The following TMEM74 variants were observed in gnomAD, a reference collection of about 807,000 sequenced individuals.
TMEM74 encodes transmembrane protein 74.
TMEM74 carries 13 observed loss-of-function variants against 18.1 expected under a neutral mutation model. The observed-to-expected ratio is 0.72, with a 90% CI of 0.47 to 1.14. The LOEUF is 1.14. Among genes scored for constraint, TMEM74 ranks in the 50% most tolerant of loss-of-function variants. TMEM74 has a pLI of 0.00. For synonymous variants in TMEM74, 159 were observed against 146.6 expected (o/e 1.08, Z -0.61); for missense variants, 372 against 375.9 (o/e 0.99, Z 0.09).
chr8:108,702,928 A>T (rs189988175), intron 1 of TMEM74, among the ~76,000 whole-genome samples: 414 of 84,470 alleles, frequency 4.9e-3, no homozygotes, highest in African/African-American at 0.016. Flanking sequence ...GAATTTTGTT[A>T]AAAAAAAAAA....
chr8:108,776,660 A>C (rs1041484735), downstream of TMEM74, among the ~76,000 whole-genome samples: 1 of 152,168 alleles, frequency 6.6e-6, no homozygotes, highest in Non-Finnish European at 1.5e-5. Flanking sequence ...AGGGAGATGT[A>C]AATTTCTTTC....
chr8:108,610,335 A>C (rs1563731580), intron 2 of TMEM74, among the ~76,000 whole-genome samples: 1 of 152,118 alleles, frequency 6.6e-6, no homozygotes, highest in Non-Finnish European at 1.5e-5. Context: ...ATAATTATGG[A>C]CCTCCAGAAA....
At chr8:108,748,686 T>G (rs1257234329) in intron 1 of TMEM74, among the ~76,000 whole-genome samples, 1 of 144,932 alleles carries the variant, frequency 6.9e-6, no homozygotes, top group Non-Finnish European at 1.5e-5. Flanking sequence ...TTCTAGGGTT[T>G]TTTTTTTTTT....
At chr8:108,747,787 C>A (rs1813865014) in intron 1 of TMEM74, among the ~76,000 whole-genome samples, 1 of 146,496 alleles carries the variant, frequency 6.8e-6, no homozygotes, top group South Asian at 2.3e-4. Flanking sequence ...TTATTTAGCT[C>A]CCACTTATAA....
At chr8:108,610,077 G>A (rs1270122156) in intron 2 of TMEM74, among the ~76,000 whole-genome samples, 1 of 152,168 alleles carries the variant, frequency 6.6e-6, no homozygotes, top group East Asian at 1.9e-4. Context: ...GGTTACAAAT[G>A]TCCCATCCCC....
intron 1 of TMEM74, among the ~76,000 whole-genome samples, chr8:108,702,884 T>TA (rs1209472154): frequency 6.7e-6 from 1 of 149,842 alleles, no homozygotes; most frequent in Non-Finnish European, 1.5e-5. Context: ...TAAAGCCTGT[T>TA]AAAAAACTCA....
At chr8:108,633,845 G>T (rs1026597689) in intron 2 of TMEM74, among the ~76,000 whole-genome samples, 2 of 151,940 alleles carry the variant, frequency 1.3e-5, no homozygotes, top group African/African-American at 4.8e-5. Flanking sequence ...TCTTTTGCTT[G>T]CCATGTCATG....
Position 108,784,596 on chromosome 8 carries a change from G to T in TMEM74, c.503C>A (p.Thr168Lys). 6.2e-7 allele frequency: 1 copy of T among 1,614,166 alleles called. No homozygotes were observed. Among genetic ancestry groups the T allele is most frequent in the Non-Finnish European group, 8.5e-7 (1 of 1,180,030 alleles). ...ATAGTCTATAGACTTCCCTGAAGACGTGGCTTCTGAACTTGTATCATCCTC... is the reference window on the plus strand; with the variant it reads ...ATAGTCTATAGACTTCCCTGAAGACTTGGCTTCTGAACTTGTATCATCCTC... ...EEEDDTSSEATSSGKSIDYGF... is the reference protein window; with the variant it reads ...EEEDDTSSEAKSSGKSIDYGF... Residue 168 changes from threonine (T) to lysine (K), a missense_variant, in exon 2 of 2, where the codon ACG (threonine) becomes AAG (lysine). Coordinates refer to ENST00000297459, the MANE Select transcript of TMEM74 (RefSeq NM_153015.3).
chr8:108,675,211 G>A (rs78744367), intron 1 of TMEM74, among the ~76,000 whole-genome samples: 3,656 of 152,240 alleles, frequency 0.024, 72 homozygotes, highest in Non-Finnish European at 0.034. Flanking sequence ...TTTGTTTATG[G>A]TGTCATCTCC....
chr8:108,770,184 G>A (rs1814156048), intron 1 of TMEM74, among the ~76,000 whole-genome samples: 1 of 152,098 alleles, frequency 6.6e-6, no homozygotes, highest in South Asian at 2.1e-4. Context: ...CAGAGAGGAG[G>A]AGAAAGAGGA....
Position 108,784,819 on chromosome 8 carries a change from T to C in TMEM74, c.280A>G (p.Thr94Ala), listed in dbSNP as rs142950541. Residue 94 changes from threonine to alanine, a missense_variant, in exon 2 of 2, where the codon ACA becomes GCA. Coordinates refer to ENST00000297459, the MANE Select transcript of TMEM74 (RefSeq NM_153015.3). ...CAGTTACAGACTTTCCGTTCCGCTG[T>C]TATTTGGTTGTTCCCTGAGTGGAGA... ...GLLHSGNNQI[T>A]AERKVCNCCS... 160 of 1,614,136 alleles carry C rather than the reference T, an allele frequency of 9.9e-5. No homozygotes were observed. In the African/African-American group the frequency reaches 1.8e-3, roughly 18 times the overall value.
At chr8:108,657,879 T>TATATATATATATATATATTAATTAC (rs1812858437) in intron 1 of TMEM74, among the ~76,000 whole-genome samples, 2 of 82,730 alleles carry the variant, frequency 2.4e-5, no homozygotes, top group East Asian at 4.4e-4. Flanking sequence ...TATATATATA[T>TATATATATATATATATATTAATTAC]ATATATATAT....
At chr8:108,754,829 A>T (rs367636871) in intron 1 of TMEM74, among the ~76,000 whole-genome samples, 47 of 152,052 alleles carry the variant, frequency 3.1e-4, no homozygotes, top group African/African-American at 1.1e-3. Flanking sequence ...AAACCAGGTG[A>T]GCTGACAGTG....
At chr8:108,649,963 A>G (rs1812757696) in intron 2 of TMEM74, among the ~76,000 whole-genome samples, 1 of 152,140 alleles carries the variant, frequency 6.6e-6, no homozygotes, top group Non-Finnish European at 1.5e-5. Context: ...TCCCTTCCCT[A>G]CATTATAAAA....
intron 1 of TMEM74, among the ~76,000 whole-genome samples, chr8:108,737,237 A>G (rs570632967): frequency 7.9e-5 from 12 of 152,244 alleles, no homozygotes; most frequent in African/African-American, 2.9e-4. Context: ...CTCAATCACA[A>G]AATAAAAACT....
rs541659213 is a variant in TMEM74 at position 108,678,620 on chromosome 8, G to A, written n.120-23183C>T. Among the ~76,000 whole-genome samples, 8 of 149,770 alleles carry A rather than the reference G, an allele frequency of 5.3e-5. 1 individual carries two copies. The highest frequency in any genetic ancestry group is 2.1e-4 in the South Asian group (1 of 4,768). On this transcript the variant is annotated intron_variant and non_coding_transcript_variant, in intron 1 of 3. Coordinates refer to the TMEM74 transcript ENST00000518838. Reference sequence around the variant, plus strand: ...AATCCTGGCCTCAAGTGATCCTCCCGCTTTGCTCCCACTGCCATTATTATT... The same window carrying A: ...AATCCTGGCCTCAAGTGATCCTCCCACTTTGCTCCCACTGCCATTATTATT...
In TMEM74 at chr8:108,621,017, T is replaced by C. The variant is rs559705417; in HGVS notation, n.265-12191A>G. Among the ~76,000 whole-genome samples the C allele has an allele frequency of 5.3e-5, 8 of 152,272 alleles. No homozygotes were observed. In the South Asian group the frequency reaches 1.5e-3, roughly 28 times the overall value. The stretch of plus-strand genomic sequence containing the variant: ...CTGGTCCTTGGTGATCAGATGTAGG[T>C]AGAGTTGGCATCAAGGAAACTATGA... On this transcript the variant is annotated intron_variant and non_coding_transcript_variant, in intron 2 of 3. Coordinates refer to the TMEM74 transcript ENST00000518838.
chr8:108,620,521 A>C (rs1024349133), intron 2 of TMEM74, among the ~76,000 whole-genome samples: 4 of 152,164 alleles, frequency 2.6e-5, no homozygotes, highest in African/African-American at 9.7e-5. Context: ...GGATATTCCC[A>C]CATCATTATA....
At chr8:108,697,324 AATTTTAACTTATGCTAGTTATGTGGCT>A (rs1266289318) in intron 1 of TMEM74, among the ~76,000 whole-genome samples, 1 of 152,314 alleles carries the variant, frequency 6.6e-6, no homozygotes, top group East Asian at 1.9e-4. Context: ...GTTTGGCATA[AATTTTAACTTATGCTAGTTATGTGGCT>A]ATTGAATTAT....
Sources: gnomAD v4.1 joint callset for allele counts (sites outside exome capture counted in the v4.1 genomes callset) on GRCh38, gnomAD v4.1.1 for gene constraint, MANE v1.5 for transcripts, NCBI Gene and HGNC (gene_info 2026-07-23, HGNC 2026-07-21) for gene names.